Variants in DNAH9 observed in about 807,000 individuals in gnomAD.
The protein encoded by DNAH9 is DNAH9 variant protein.
Under a neutral mutation model 471.6 loss-of-function variants are expected in DNAH9, and 345 were observed. The observed-to-expected ratio is 0.73, with a 90% CI of 0.67 to 0.80. DNAH9 has a LOEUF of 0.80. Among genes scored for constraint, DNAH9 ranks in the 30% least tolerant of loss-of-function variants. The pLI, the probability that DNAH9 is intolerant of heterozygous loss-of-function variation, is 0.00. For synonymous variants in DNAH9, 2,093 were observed against 2,123.6 expected, an observed-to-expected ratio of 0.99 and a Z score of 0.40; for missense variants, 5,407 against 5,609.2, an observed-to-expected ratio of 0.96 and a Z score of 1.15.
rs112610720 is a variant in DNAH9, at chr17:11,831,498, C to G, written c.9247-3140C>G. Among the ~76,000 whole-genome samples, 694 of 152,224 alleles carry G rather than the reference C, an allele frequency of 4.6e-3. 6 individuals carry two copies. Among genetic ancestry groups the G allele is most frequent in the African/African-American group, 0.016 (657 of 41,530 alleles). ...ACAAATATCTTCCACTTGTCCCCACCTCCAACATAGGGGATCAATTTTCAA... is the reference window on the plus strand; with the variant it reads ...ACAAATATCTTCCACTTGTCCCCACGTCCAACATAGGGGATCAATTTTCAA... On this transcript the variant is annotated intron_variant, in intron 48 of 68. Coordinates refer to ENST00000262442, the MANE Select transcript of DNAH9 (RefSeq NM_001372.4).
In DNAH9 at chr17:11,784,245, T is replaced by C. The variant is rs2150898350; in HGVS notation, c.7822-55T>C. Reference sequence around the variant, plus strand: ...CTGTTATCTCCAAATTCAGAAGCGGTGATTTCTACTCCGTGGTAACGGATG... The same window carrying C: ...CTGTTATCTCCAAATTCAGAAGCGGCGATTTCTACTCCGTGGTAACGGATG... On this transcript the variant is annotated intron_variant, in intron 40 of 68. Transcript: ENST00000262442. 5 of 1,599,240 alleles carry C rather than the reference T, an allele frequency of 3.1e-6. No individual in the cohort carries two copies. In the East Asian group the frequency reaches 1.1e-4, roughly 36 times the overall value.
At chr17:11,967,067 T>C (rs1257253075) in intron 68 of DNAH9, among the ~76,000 whole-genome samples, 1 of 150,946 alleles carries the variant, frequency 6.6e-6, no homozygotes, top group African/African-American at 2.4e-5. Context: ...AAGCTGGAAT[T>C]AATCTGAAAT....
At chr17:11,886,299 G>A (rs983823206) in intron 56 of DNAH9, among the ~76,000 whole-genome samples, 2 of 152,112 alleles carry the variant, frequency 1.3e-5, no homozygotes, top group African/African-American at 4.8e-5. Context: ...ACTCCAGCCT[G>A]GGGACAAGAG....
intron 49 of DNAH9, 60 bp downstream of exon 49, chr17:11,834,958 C>G: frequency 1.3e-6 from 2 of 1,564,498 alleles, no homozygotes; most frequent in Non-Finnish European, 8.7e-7. Flanking sequence ...GCAGAGACCA[C>G]CTTGGCATTC....
Position 11,617,449 on chromosome 17 carries a change from C to A in DNAH9, c.943C>A (p.Pro315Thr). The change falls in exon 5 of 69, where the codon CCG (proline) becomes ACG (threonine). Residue 315 changes from proline (P) to threonine (T), a missense_variant. Physicochemically the swap from Pro to Thr is conservative, Grantham distance 38. This residue lies in a region of DNAH9 where 767 missense variants were observed against 692.5 expected (regional missense o/e 1.11). Coordinates refer to ENST00000262442, the MANE Select transcript of DNAH9 (RefSeq NM_001372.4). ...ACAGGACATCCATGTGCACCTGATA[C>A]CGCTCCAGCGCCACCTGGAAGCTCT... Reference protein sequence around the residue: ...EAQDIHVHLIPLQRHLEALEN... With the variant: ...EAQDIHVHLITLQRHLEALEN... 6.2e-7 allele frequency: 1 copy of A among 1,614,174 alleles called. No homozygotes were observed. Among genetic ancestry groups the A allele is most frequent in the Non-Finnish European group, 8.5e-7 (1 of 1,180,018 alleles).
chr17:11,796,061 A>G (rs1969226787), intron 42 of DNAH9, among the ~76,000 whole-genome samples: 1 of 152,134 alleles, frequency 6.6e-6, no homozygotes, highest in East Asian at 1.9e-4. Context: ...GAGTTGGTTG[A>G]TTTTCTCTCT....
chr17:11,669,729 G>A lies in DNAH9; in HGVS notation c.3288G>A (p.Leu1096=), dbSNP rs1045053925. 6.2e-7 allele frequency: 1 copy of A among 1,614,190 alleles called. No individual in the cohort carries two copies. Among genetic ancestry groups the A allele is most frequent in the Non-Finnish European group, 8.5e-7 (1 of 1,180,010 alleles). Residue 1096 remains leucine, a synonymous_variant, in exon 17 of 69, where the codon CTG becomes CTA. Transcript: ENST00000262442. The part of the protein sequence containing the change: ...KIDIRPFKAS[L]LNIIKRWSLL... ...ATATTCGACCCTTTAAGGCATCTCT[G>A]CTGAATATTATTAAGAGGTGGAGCC...
Position 11,875,147 on chromosome 17 carries a change from G to A in DNAH9, c.10441G>A (p.Gly3481Ser). 16 of 1,614,106 alleles carry A rather than the reference G, an allele frequency of 9.9e-6. No homozygotes were observed. The highest frequency in any genetic ancestry group is 1.4e-5 in the Non-Finnish European group (16 of 1,180,026). Residue 3481 changes from glycine to serine, a missense_variant, in exon 53 of 69, where the codon GGT (glycine) becomes AGT (serine). Gly to Ser is a moderately conservative substitution (Grantham distance 56, BLOSUM62 0). Coordinates refer to ENST00000262442, the MANE Select transcript of DNAH9 (RefSeq NM_001372.4). ...CATCAAATGGATCAAGAATAAATATGGTGAAGATCTCCGGGTCACGCAGAT... is the reference window on the plus strand; with the variant it reads ...CATCAAATGGATCAAGAATAAATATAGTGAAGATCTCCGGGTCACGCAGAT... Reference protein sequence around the residue: ...QGIKWIKNKYGEDLRVTQIGQ... With the variant: ...QGIKWIKNKYSEDLRVTQIGQ...
At chr17:11,827,996 T>G (rs1049098287) in intron 48 of DNAH9, among the ~76,000 whole-genome samples, 1 of 152,192 alleles carries the variant, frequency 6.6e-6, no homozygotes, top group Non-Finnish European at 1.5e-5. Context: ...AAGATCACTA[T>G]TGGCTCTGAC....
rs139228796 is a variant in DNAH9, at chr17:11,705,987, T to C, written c.5552+802T>C. ...ATGTTATACTGCACAAAGATTATAATAACTTTCTAAAACGATTCTCTTGAA... is the reference window on the plus strand; with the variant it reads ...ATGTTATACTGCACAAAGATTATAACAACTTTCTAAAACGATTCTCTTGAA... On this transcript the variant is annotated intron_variant, in intron 26 of 68. Coordinates refer to ENST00000262442, the MANE Select transcript of DNAH9 (RefSeq NM_001372.4). Among the ~76,000 whole-genome samples, 419 of 152,328 alleles carry C rather than the reference T, an allele frequency of 2.8e-3. 9 individuals are homozygous for C. Among genetic ancestry groups the C allele is most frequent in the Admixed American group, 0.025 (383 of 15,300 alleles).
intron 41 of DNAH9, among the ~76,000 whole-genome samples, 180 bp downstream of exon 41, chr17:11,784,719 A>G (rs1347035080): frequency 6.6e-6 from 1 of 152,192 alleles, no homozygotes; most frequent in Non-Finnish European, 1.5e-5. Context: ...AAGGCCCTCA[A>G]TAAAATAGAG....
At chr17:11,751,059 CAA>C (rs1473988160) in intron 32 of DNAH9, among the ~76,000 whole-genome samples, 2 of 151,542 alleles carry the variant, frequency 1.3e-5, no homozygotes, top group Non-Finnish European at 1.5e-5. Flanking sequence ...AATTAACAGA[CAA>C]GAGTAAAGTA....
In DNAH9 at chr17:11,962,929, C is replaced by T. The variant is rs547176037; in HGVS notation, c.13233+673C>T. ...ATTCCTTATCAAAGGCTAATAAAAACGTGAGTCACATGAGATTGGAGAAGA... is the reference window on the plus strand; with the variant it reads ...ATTCCTTATCAAAGGCTAATAAAAATGTGAGTCACATGAGATTGGAGAAGA... On this transcript the variant is annotated intron_variant, in intron 68 of 68. Coordinates refer to ENST00000262442, the MANE Select transcript of DNAH9 (RefSeq NM_001372.4). The surrounding 1 kb of genome is among the most constrained non-coding windows in gnomAD (Gnocchi z 4.1). 2.1e-4 allele frequency among the ~76,000 whole-genome samples: 32 copies of T among 152,200 alleles called. No individual in the cohort carries two copies. Among genetic ancestry groups the T allele is most frequent in the Admixed American group, 5.9e-4 (9 of 15,294 alleles).
chr17:11,683,993 G>C lies in DNAH9; in HGVS notation c.3743+3104G>C, dbSNP rs191015084. Among the ~76,000 whole-genome samples, 44 of 152,294 alleles carry C rather than the reference G, an allele frequency of 2.9e-4. No individual in the cohort carries two copies. The East Asian group carries it at 8.1e-3, about 28-fold the overall frequency. ...GTGTGTGAGTGTTCAAAATTTGTAG[G>C]TATTATGTGTGGCATGTGAGTTTAA... On this transcript the variant is annotated intron_variant, in intron 19 of 68. Transcript: ENST00000262442.
In DNAH9 at chr17:11,886,923, C is replaced by T. The variant is rs769721428; in HGVS notation, c.11070C>T (p.Asn3690=). 15 of 1,612,808 alleles carry T rather than the reference C, an allele frequency of 9.3e-6. No individual in the cohort carries two copies. The highest frequency in any genetic ancestry group is 1.6e-4 in the Middle Eastern group (1 of 6,082). The change falls in exon 57 of 69, where the codon AAC becomes AAT. Residue 3690 remains asparagine, a synonymous_variant. Transcript: ENST00000262442. ...ARASLLYFIM[N]DLSKIHPMYQ... The stretch of plus-strand genomic sequence containing the variant: ...CCTCACTGCTCTACTTCATCATGAA[C>T]GACCTCAGCAAGATCCATCCAATGT...
intron 35 of DNAH9, among the ~76,000 whole-genome samples, chr17:11,759,554 G>T (rs143325710): frequency 5.9e-5 from 6 of 101,054 alleles, no homozygotes; most frequent in Non-Finnish European, 9.5e-5. Context: ...TCGTTGTCTC[G>T]CTCTGTCACC....
chr17:11,709,748 G>A (rs950111922), intron 26 of DNAH9, among the ~76,000 whole-genome samples: 5 of 152,084 alleles, frequency 3.3e-5, no homozygotes, highest in East Asian at 1.9e-4. Context: ...GTCGTTTCTC[G>A]ACCTTTGGAT....
intron 66 of DNAH9, among the ~76,000 whole-genome samples, chr17:11,938,466 AAAAC>A (rs1372855354): frequency 6.6e-6 from 1 of 151,092 alleles, no homozygotes; most frequent in Non-Finnish European, 1.5e-5. Context: ...CAAAAAAAAA[AAAAC>A]AAAAAAAGAA....
At chr17:11,771,373 C>T (rs1217477076) in intron 38 of DNAH9, among the ~76,000 whole-genome samples, 4 of 152,198 alleles carry the variant, frequency 2.6e-5, no homozygotes, top group Non-Finnish European at 5.9e-5. Flanking sequence ...AGGTGATCCA[C>T]CTGCCTCGGC....
Sources: allele counts gnomAD v4.1 joint callset (sites outside exome capture counted in the v4.1 genomes callset), GRCh38; gene constraint gnomAD v4.1.1; regional missense constraint gnomAD v4.1.1; non-coding constraint Gnocchi (gnomAD v3.1); transcripts MANE v1.5; gene names NCBI Gene and HGNC (gene_info 2026-07-23, HGNC 2026-07-21).